LARP1: variants seen among roughly 807,000 people sequenced by gnomAD.
The protein encoded by LARP1 is la-related protein 1.
LARP1 carries 36 observed loss-of-function variants against 122.7 expected under a neutral mutation model. The ratio of observed to expected loss-of-function variants is 0.29; its 90% CI spans 0.22 to 0.39. The LOEUF is 0.39. Ranked by LOEUF, LARP1 falls within the 10% of genes least tolerant of loss-of-function variation. The pLI, the probability that LARP1 is intolerant of heterozygous loss-of-function variation, is 1.00. For missense variants in LARP1, 1,040 were observed against 1,403.6 expected (o/e 0.74, Z 4.14); for synonymous variants, 539 against 528.7 (o/e 1.02, Z -0.27).
At chr5:154,685,650 T>C (rs1753896938) in intron 1 of LARP1, 1 of 337,348 alleles carries the variant, frequency 3.0e-6, no homozygotes. Context: ...ACGCTGCCTC[T>C]GCTAGTCTAT....
intron 16 of LARP1, among the ~76,000 whole-genome samples, chr5:154,810,714 G>A (rs1759197890): frequency 6.6e-6 from 1 of 151,946 alleles, no homozygotes; most frequent in African/African-American, 2.4e-5. Flanking sequence ...CTTGAACTCC[G>A]GACCTCAAGT....
At chr5:154,758,674 CAT>C (rs1410894663) in intron 1 of LARP1, among the ~76,000 whole-genome samples, 3 of 152,134 alleles carry the variant, frequency 2.0e-5, no homozygotes, top group Non-Finnish European at 4.4e-5. Context: ...CTGTGATGCA[CAT>C]GTTTTTGGGA....
In LARP1 at chr5:154,788,124, G is replaced by A. The variant is rs534643614; in HGVS notation, c.437-2201G>A. Among the ~76,000 whole-genome samples, 14 of 152,300 alleles carry A rather than the reference G, an allele frequency of 9.2e-5. No homozygotes were observed. In the East Asian group the frequency reaches 2.7e-3, roughly 29 times the overall value. On this transcript the variant is annotated intron_variant, in intron 1 of 18. Transcript: ENST00000518297. ...GGGAGAAGTGATTACCAGCCATAGT[G>A]TAGGTATATATGAACCTGGTCCTGG...
chr5:154,697,217 T>TC, intron 1 of LARP1, among the ~76,000 whole-genome samples: 1 of 150,950 alleles, frequency 6.6e-6, no homozygotes, highest in African/African-American at 2.4e-5. Flanking sequence ...TTTTTTTTTT[T>TC]CTTCTCTTTG....
chr5:154,797,614 A>G (rs1757990275), intron 8 of LARP1, among the ~76,000 whole-genome samples: 1 of 150,622 alleles, frequency 6.6e-6, no homozygotes, highest in Admixed American at 6.6e-5. Flanking sequence ...CCATGCCCAT[A>G]ATCTTAATTC....
upstream of LARP1, among the ~76,000 whole-genome samples, chr5:154,710,657 C>G (rs1314321293): frequency 6.7e-6 from 1 of 148,436 alleles, no homozygotes; most frequent in Non-Finnish European, 1.5e-5. Flanking sequence ...GCAGGAGAAT[C>G]GCTTGAACTC....
At chr5:154,771,387 A>G (rs1379513265) in intron 1 of LARP1, among the ~76,000 whole-genome samples, 1 of 152,222 alleles carries the variant, frequency 6.6e-6, no homozygotes, top group African/African-American at 2.4e-5. Context: ...ATCTAGCTAC[A>G]GTGACAATCC....
intron 1 of LARP1, among the ~76,000 whole-genome samples, chr5:154,777,511 ACT>A (rs1277920204): frequency 2.0e-5 from 3 of 152,150 alleles, no homozygotes; most frequent in Admixed American, 6.5e-5. Context: ...ACAGAGCGAG[ACT>A]CTGTATCAAA....
chr5:154,809,553 T>G (rs2113867135), intron 16 of LARP1, among the ~76,000 whole-genome samples: 1 of 152,270 alleles, frequency 6.6e-6, no homozygotes, highest in Admixed American at 6.5e-5. Flanking sequence ...TGTATGCATG[T>G]GTAGTTGTAA....
At chr5:154,697,800 G>T (rs1313727322) in intron 1 of LARP1, among the ~76,000 whole-genome samples, 1 of 152,084 alleles carries the variant, frequency 6.6e-6, no homozygotes, top group Non-Finnish European at 1.5e-5. Context: ...ATAGCTAAAA[G>T]GCGCAAGGAT....
intron 10 of LARP1, 72 bp downstream of exon 10, chr5:154,800,114 G>C: frequency 7.2e-7 from 1 of 1,382,856 alleles, no homozygotes; most frequent in Non-Finnish European, 1.0e-6. Context: ...ATAACACATG[G>C]GCACAGCACT....
chr5:154,719,655 AG>A (rs1755735358), intron 1 of LARP1, among the ~76,000 whole-genome samples: 1 of 151,992 alleles, frequency 6.6e-6, no homozygotes, highest in Non-Finnish European at 1.5e-5. Context: ...TGAGGCCAGG[AG>A]TTTGAGACCA....
chr5:154,715,134 CACG>C (rs1467719581), intron 1 of LARP1, among the ~76,000 whole-genome samples: 1 of 151,028 alleles, frequency 6.6e-6, no homozygotes, highest in Non-Finnish European at 1.5e-5. Context: ...GAGCCGAGAT[CACG>C]ACACTGCACT....
chr5:154,777,602 C>T (rs1237011970), intron 1 of LARP1, among the ~76,000 whole-genome samples: 1 of 152,164 alleles, frequency 6.6e-6, no homozygotes, highest in Non-Finnish European at 1.5e-5. Context: ...CTTCACTTTA[C>T]TAGCCTTAAA....
At chr5:154,791,693 G>T (rs1404135694) in intron 3 of LARP1, among the ~76,000 whole-genome samples, 1 of 152,212 alleles carries the variant, frequency 6.6e-6, no homozygotes, top group Non-Finnish European at 1.5e-5. Flanking sequence ...CAGAATCTTT[G>T]CATACTCAAG....
rs1758745100 is a variant in LARP1 at position 154,805,984 on chromosome 5, G to A, written c.2650G>A (p.Gly884Ser). Residue 884 changes from glycine (G) to serine (S), a missense_variant, in exon 15 of 19, where the codon GGC becomes AGC. By Grantham distance (56) the Gly-to-Ser change is moderately conservative. Coordinates refer to ENST00000518297, the MANE Select transcript of LARP1 (RefSeq NM_033551.3). ...HPSHELLKEN[G>S]FTQHVYHKYR... ...TTCCCATGAACTGCTCAAGGAAAAT[G>A]GCTTCACACAACACGTCTACCATAA... is the stretch of plus-strand genomic sequence containing the variant. 2 of 1,613,996 alleles carry A rather than the reference G, an allele frequency of 1.2e-6. No homozygotes were observed. Among genetic ancestry groups the A allele is most frequent in the Non-Finnish European group, 1.7e-6 (2 of 1,180,032 alleles).
chr5:154,803,173 C>A lies in LARP1; in HGVS notation c.2110-117C>A. The A allele has an allele frequency of 7.4e-7, 1 of 1,356,814 alleles. No individual in the cohort carries two copies. Among genetic ancestry groups the A allele is most frequent in the South Asian group, 1.3e-5 (1 of 78,192 alleles). The allele number at this position is 1,356,814 out of a possible 1,614,324, so 84.0% of individuals were successfully genotyped here. A position where few individuals can be genotyped will look rare whatever the true frequency, so the allele number is the denominator to read the frequency against. On this transcript the variant is annotated intron_variant, in intron 11 of 18. Coordinates refer to ENST00000518297, the MANE Select transcript of LARP1 (RefSeq NM_033551.3). The surrounding 1 kb of genome is among the most constrained non-coding windows in gnomAD (Gnocchi z 4.4). ...GCTGAGAGCCTGGGGACCAGAATTC[C>A]ACGTATGTCGACGTGGGAGCTGCCC... is the stretch of plus-strand genomic sequence containing the variant.
intron 1 of LARP1, among the ~76,000 whole-genome samples, chr5:154,761,593 C>CTGGAGGT (rs1369779742): frequency 1.3e-5 from 2 of 152,274 alleles, no homozygotes; most frequent in East Asian, 3.9e-4. Flanking sequence ...GTTGGGGCCA[C>CTGGAGGT]TGGAGGTTCA....
At position 154,693,677 on chromosome 5, in the gene LARP1, A is replaced by T. The variant is rs182345918; in HGVS notation, c.-180+10640A>T. Among the ~76,000 whole-genome samples the T allele has an allele frequency of 6.8e-4, 103 of 152,182 alleles. 1 individual carries two copies. Among genetic ancestry groups the T allele is most frequent in the African/African-American group, 2.4e-3 (99 of 41,526 alleles). On this transcript the variant is annotated intron_variant, in intron 1 of 18. Coordinates refer to the LARP1 transcript ENST00000687700. ...AAGACCATCCTGGCTAACACAATGAAACCCCGTCTCTACTAAAAAATACAA... is the reference window on the plus strand; with the variant it reads ...AAGACCATCCTGGCTAACACAATGATACCCCGTCTCTACTAAAAAATACAA...
Sources: gnomAD v4.1 joint callset for allele counts (sites outside exome capture counted in the v4.1 genomes callset) on GRCh38, gnomAD v4.1.1 for gene constraint, Gnocchi (gnomAD v3.1) non-coding constraint, MANE v1.5 for transcripts, NCBI Gene and HGNC (gene_info 2026-07-23, HGNC 2026-07-21) for gene names.